FBXO11: variants seen among roughly 807,000 people sequenced by gnomAD.
FBXO11 encodes F-box only protein 11.
Under a neutral mutation model 117.0 loss-of-function variants are expected in FBXO11, and 13 were observed. The ratio of observed to expected loss-of-function variants is 0.11; its 90% CI spans 0.07 to 0.18. FBXO11 has a LOEUF of 0.18. FBXO11 is among the 10% of genes least tolerant of loss of function. FBXO11 has a pLI of 1.00. For synonymous variants in FBXO11, 490 were observed against 380.5 expected (o/e 1.29, Z -3.35); for missense variants, 767 against 1,164.4 (o/e 0.66, Z 4.97).
At chr2:47,819,503 C>T (rs780003045) in intron 14 of FBXO11, among the ~76,000 whole-genome samples, 3 of 152,132 alleles carry the variant, frequency 2.0e-5, no homozygotes, top group Non-Finnish European at 2.9e-5. Flanking sequence ...TGTGAGCCAC[C>T]GCGCCCGGCC....
intron 12 of FBXO11, among the ~76,000 whole-genome samples, chr2:47,822,870 T>G (rs891977283): frequency 6.6e-6 from 1 of 152,228 alleles, no homozygotes; most frequent in African/African-American, 2.4e-5. Context: ...TATAATGCAG[T>G]TTGATGAATT....
intron 1 of FBXO11, among the ~76,000 whole-genome samples, chr2:47,892,363 T>C (rs373325300): frequency 5.2e-5 from 8 of 152,382 alleles, no homozygotes; most frequent in East Asian, 3.9e-4. Context: ...TTCTGTTTCA[T>C]TGCATGTGTT....
chr2:47,872,736 C>A (rs929140707), intron 1 of FBXO11, among the ~76,000 whole-genome samples: 7 of 152,076 alleles, frequency 4.6e-5, no homozygotes, highest in Non-Finnish European at 8.8e-5. Flanking sequence ...ATCACTACAG[C>A]CCAAATGCAG....
At chr2:47,884,076 C>T (rs1202740946) in intron 1 of FBXO11, among the ~76,000 whole-genome samples, 2 of 152,026 alleles carry the variant, frequency 1.3e-5, no homozygotes, top group Non-Finnish European at 2.9e-5. Context: ...AAAAGTTAGC[C>T]GGGCCTGTGA....
chr2:47,897,984 T>C (rs1171686689), intron 1 of FBXO11, among the ~76,000 whole-genome samples: 1 of 152,210 alleles, frequency 6.6e-6, no homozygotes, highest in African/African-American at 2.4e-5. Context: ...TATTCCTTAA[T>C]GTTTTTTAAG....
rs149855957 is a variant in FBXO11 at position 47,809,942 on chromosome 2, A to G, written c.2339-235T>C. 4,040 of 513,304 alleles carry G rather than the reference A, an allele frequency of 7.9e-3. 32 individuals are homozygous for G. Among genetic ancestry groups the G allele is most frequent in the Non-Finnish European group, 0.01 (3,019 of 291,810 alleles). The allele number at this position is 513,304 out of a possible 1,614,324, so 31.8% of individuals were successfully genotyped here. A position where few individuals can be genotyped will look rare whatever the true frequency, so the allele number is the denominator to read the frequency against. ...CCAACCTAACTGTCTTAAAGTTTAA[A>G]TACATGATACTTGGATTTCATTTGC... On this transcript the variant is annotated intron_variant, in intron 19 of 22. Transcript: ENST00000403359.
intron 1 of FBXO11, among the ~76,000 whole-genome samples, chr2:47,881,118 G>A (rs1177786085): frequency 2.0e-5 from 3 of 152,046 alleles, no homozygotes; most frequent in Non-Finnish European, 4.4e-5. Context: ...CGGGCTTAGT[G>A]GCGGGTGCCT....
chr2:47,900,797 T>C (rs1255327360), intron 1 of FBXO11, among the ~76,000 whole-genome samples: 1 of 98,070 alleles, frequency 1.0e-5, no homozygotes, highest in African/African-American at 4.0e-5. Flanking sequence ...CGTGTATATA[T>C]ATACACGTAT....
At chr2:47,904,334 G>A (rs967162764) in intron 1 of FBXO11, among the ~76,000 whole-genome samples, 15 of 151,962 alleles carry the variant, frequency 9.9e-5, no homozygotes, top group Admixed American at 9.8e-4. Context: ...CCACTACTGC[G>A]AACAGCTAAT....
chr2:47,897,419 G>A (rs964881340), intron 1 of FBXO11, among the ~76,000 whole-genome samples: 3 of 152,134 alleles, frequency 2.0e-5, no homozygotes, highest in South Asian at 2.1e-4. Flanking sequence ...ACTTCTGGTC[G>A]GGTGAGGTGG....
intron 1 of FBXO11, among the ~76,000 whole-genome samples, chr2:47,899,843 A>C (rs1677965635): frequency 6.6e-6 from 1 of 152,194 alleles, no homozygotes; most frequent in Non-Finnish European, 1.5e-5. Context: ...GAAACAAAAT[A>C]AGAGTAACTT....
At position 47,825,692 on chromosome 2, in the gene FBXO11, T is replaced by C. The variant is rs1405105879; in HGVS notation, c.1399-2332A>G. Among the ~76,000 whole-genome samples the C allele has an allele frequency of 2.1e-5, 3 of 145,316 alleles. No individual in the cohort carries two copies. In the Admixed American group the frequency reaches 2.1e-4, roughly 10 times the overall value. On this transcript the variant is annotated intron_variant, in intron 11 of 22. Transcript: ENST00000403359. ...CCTGGGCTCAAACGATCCTCCCCACTCAACCTCCCAAGTAGCTGAGACCAC... is the reference window on the plus strand; with the variant it reads ...CCTGGGCTCAAACGATCCTCCCCACCCAACCTCCCAAGTAGCTGAGACCAC...
chr2:47,867,798 T>A (rs938809135), intron 1 of FBXO11, among the ~76,000 whole-genome samples: 3 of 152,168 alleles, frequency 2.0e-5, no homozygotes, highest in Admixed American at 1.3e-4. Context: ...TACATACATA[T>A]TCTCCTAAAG....
chr2:47,818,538 C>T (rs967076281), intron 16 of FBXO11: 24 of 390,358 alleles, frequency 6.1e-5, no homozygotes, highest in Non-Finnish European at 1.0e-4. Context: ...ATGTGACTCT[C>T]ATAGTGGAAA....
chr2:47,900,582 A>AT (rs1678043739), intron 1 of FBXO11, among the ~76,000 whole-genome samples: 2 of 118,014 alleles, frequency 1.7e-5, no homozygotes, highest in Admixed American at 1.6e-4. Flanking sequence ...GTATACACAC[A>AT]TATATACGTA....
At chr2:47,830,388 AAAC>A (rs1373528856) in intron 11 of FBXO11, among the ~76,000 whole-genome samples, 1 of 152,216 alleles carries the variant, frequency 6.6e-6, no homozygotes, top group Non-Finnish European at 1.5e-5. Flanking sequence ...TAAAAAAAAC[AAAC>A]AAAAAATGGC....
chr2:47,890,517 A>G (rs1677177698), intron 1 of FBXO11, among the ~76,000 whole-genome samples: 1 of 152,264 alleles, frequency 6.6e-6, no homozygotes, highest in East Asian at 1.9e-4. Flanking sequence ...GAATTATAAA[A>G]TTATTGGCAG....
At chr2:47,897,017 TG>T (rs1677718218) in intron 1 of FBXO11, among the ~76,000 whole-genome samples, 1 of 152,202 alleles carries the variant, frequency 6.6e-6, no homozygotes, top group Admixed American at 6.5e-5. Flanking sequence ...CTTTAAAGCT[TG>T]TTTTTTTCTT....
chr2:47,900,590 G>GTA (rs1678048148), intron 1 of FBXO11, among the ~76,000 whole-genome samples: 1 of 108,064 alleles, frequency 9.3e-6, no homozygotes, highest in Non-Finnish European at 2.1e-5. Context: ...ACATATATAC[G>GTA]TATATACACA....
Sources: gnomAD v4.1 joint callset for allele counts (sites outside exome capture counted in the v4.1 genomes callset) on GRCh38, gnomAD v4.1.1 for gene constraint, MANE v1.5 for transcripts, NCBI Gene and HGNC (gene_info 2026-07-23, HGNC 2026-07-21) for gene names.